The following DTWD2 variants were observed in gnomAD, a reference collection of about 807,000 sequenced individuals.
The protein encoded by DTWD2 is tRNA-uridine aminocarboxypropyltransferase 2.
Under a neutral mutation model 31.8 loss-of-function variants are expected in DTWD2, and 39 were observed. That is an observed-to-expected ratio of 1.22 (90% CI 0.95 to 1.60). The LOEUF is 1.60. Among genes scored for constraint, DTWD2 ranks in the 40% most tolerant of loss-of-function variants. The pLI is 0.00. For synonymous variants in DTWD2, 180 were observed against 142.8 expected, an observed-to-expected ratio of 1.26 and a Z score of -1.86; for missense variants, 515 against 381.5, an observed-to-expected ratio of 1.35 and a Z score of -2.92.
At chr5:118,878,161 A>T (rs2149552916) in intron 4 of DTWD2, among the ~76,000 whole-genome samples, 1 of 152,308 alleles carries the variant, frequency 6.6e-6, no homozygotes, top group South Asian at 2.1e-4. Flanking sequence ...AAAAAAACTA[A>T]TTTAAAGTGC....
At chr5:118,905,067 C>A (rs960750868) in intron 4 of DTWD2, among the ~76,000 whole-genome samples, 2 of 152,088 alleles carry the variant, frequency 1.3e-5, no homozygotes, top group Non-Finnish European at 2.9e-5. Flanking sequence ...GACAGAGCAA[C>A]CTCTGCTAAC....
intron 1 of DTWD2, among the ~76,000 whole-genome samples, chr5:118,957,455 C>T (rs527841788): frequency 2.6e-5 from 4 of 152,100 alleles, no homozygotes; most frequent in African/African-American, 4.8e-5. Context: ...CTCCTGACCT[C>T]GTGATCTGCC....
intron 4 of DTWD2, among the ~76,000 whole-genome samples, chr5:118,861,888 T>C (rs752461563): frequency 3.4e-4 from 51 of 152,166 alleles, no homozygotes; most frequent in Non-Finnish European, 6.3e-4. Flanking sequence ...AGCTGAGAGC[T>C]GAAGAGCCAA....
intron 4 of DTWD2, among the ~76,000 whole-genome samples, chr5:118,926,408 G>A (rs1038219173): frequency 2.6e-5 from 4 of 152,126 alleles, no homozygotes; most frequent in East Asian, 1.9e-4. Flanking sequence ...GGAGGGAGGT[G>A]AGGAGTAAAA....
chr5:118,988,134 T>G (rs1169265443), intron 1 of DTWD2, 160 bp downstream of exon 1: 1 of 848,754 alleles, frequency 1.2e-6, no homozygotes, highest in South Asian at 1.4e-5. Flanking sequence ...TCTTACTAGG[T>G]AGCTGTGCCT....
chr5:118,922,975 A>G, intron 4 of DTWD2, among the ~76,000 whole-genome samples: 1 of 152,036 alleles, frequency 6.6e-6, no homozygotes, highest in East Asian at 1.9e-4. Context: ...TTTTATTCTT[A>G]TTCTTTTTTT....
chr5:118,957,907 C>T (rs1754622550), intron 1 of DTWD2, among the ~76,000 whole-genome samples: 1 of 152,138 alleles, frequency 6.6e-6, no homozygotes, highest in South Asian at 2.1e-4. Flanking sequence ...CTCACCAATA[C>T]TTCTTCCTTT....
intron 1 of DTWD2, among the ~76,000 whole-genome samples, chr5:118,981,453 C>T (rs1215783533): frequency 6.6e-6 from 1 of 152,102 alleles, no homozygotes; most frequent in Non-Finnish European, 1.5e-5. Context: ...TTTCTCTACC[C>T]TTTGCAAGGT....
intron 3 of DTWD2, among the ~76,000 whole-genome samples, chr5:118,938,758 G>A (rs1185580759): frequency 7.0e-6 from 1 of 142,234 alleles, no homozygotes; most frequent in African/African-American, 2.7e-5. Flanking sequence ...CACTATATTA[G>A]GCACCATAGG....
At chr5:118,969,487 C>T (rs1754932911) in intron 1 of DTWD2, among the ~76,000 whole-genome samples, 1 of 152,176 alleles carries the variant, frequency 6.6e-6, no homozygotes, top group African/African-American at 2.4e-5. Flanking sequence ...GAGGCTGTCA[C>T]CTTTGCTGTT....
At chr5:118,884,822 C>T (rs998830669) in intron 4 of DTWD2, among the ~76,000 whole-genome samples, 5 of 151,400 alleles carry the variant, frequency 3.3e-5, no homozygotes, top group African/African-American at 1.2e-4. Flanking sequence ...CTGGCTAACA[C>T]GGTGAAACCC....
chr5:118,883,568 A>G (rs188721248), intron 4 of DTWD2, among the ~76,000 whole-genome samples: 3 of 152,328 alleles, frequency 2.0e-5, no homozygotes, highest in Admixed American at 2.0e-4. Context: ...AGTTCCCCGC[A>G]TAGCTGAGGA....
At chr5:118,944,753 G>A in intron 1 of DTWD2, 104 bp from the exon 2 acceptor site, 1 of 992,020 alleles carries the variant, frequency 1.0e-6, no homozygotes, top group Non-Finnish European at 1.5e-6. Context: ...AAAGAGGTTT[G>A]CTAAAGCTAC....
At chr5:118,957,365 G>A (rs1190018292) in intron 1 of DTWD2, among the ~76,000 whole-genome samples, 1 of 151,998 alleles carries the variant, frequency 6.6e-6, no homozygotes, top group East Asian at 1.9e-4. Flanking sequence ...GGGATTACAG[G>A]GGCGCGCCAC....
intron 4 of DTWD2, among the ~76,000 whole-genome samples, chr5:118,912,673 G>C (rs563783225): frequency 6.6e-6 from 1 of 152,206 alleles, no homozygotes; most frequent in South Asian, 2.1e-4. Context: ...TCTTCTCCAG[G>C]TATTCTCCAT....
intron 1 of DTWD2, among the ~76,000 whole-genome samples, chr5:118,973,119 A>G (rs1755029235): frequency 6.8e-6 from 1 of 148,022 alleles, no homozygotes. Flanking sequence ...TGCTTGGTAA[A>G]TCTTCCTCCA....
intron 4 of DTWD2, among the ~76,000 whole-genome samples, chr5:118,888,026 G>C (rs1752903899): frequency 6.6e-6 from 1 of 151,828 alleles, no homozygotes; most frequent in South Asian, 2.1e-4. Context: ...CTGAGGCTGG[G>C]GACTATTCCT....
chr5:118,965,754 T>A (rs1268906347), intron 1 of DTWD2, among the ~76,000 whole-genome samples: 1 of 151,856 alleles, frequency 6.6e-6, no homozygotes, highest in Admixed American at 6.6e-5. Flanking sequence ...TCGTTAAGAG[T>A]CATCACCACT....
chr5:118,943,619 AG>A (rs761183986), intron 2 of DTWD2, among the ~76,000 whole-genome samples: 5 of 152,028 alleles, frequency 3.3e-5, no homozygotes, highest in Non-Finnish European at 4.4e-5. Context: ...TTGCAATAAA[AG>A]AAAAAATGTT....
Sources: allele counts gnomAD v4.1 joint callset (sites outside exome capture counted in the v4.1 genomes callset), GRCh38; gene constraint gnomAD v4.1.1; transcripts MANE v1.5; gene names NCBI Gene and HGNC (gene_info 2026-07-23, HGNC 2026-07-21).